ZBP1: variants seen among roughly 807,000 people sequenced by gnomAD.
ZBP1 encodes the protein Z-DNA-binding protein 1.
A neutral mutation model predicts 41.1 loss-of-function variants in ZBP1; 42 were observed. The ratio of observed to expected loss-of-function variants is 1.02; its 90% CI spans 0.80 to 1.32. The LOEUF (loss-of-function observed/expected upper bound fraction) is 1.32. Among genes scored for constraint, ZBP1 ranks in the 40% most tolerant of loss-of-function variants. ZBP1 has a pLI of 0.00. For synonymous variants in ZBP1, 214 were observed against 205.2 expected, an observed-to-expected ratio of 1.04 and a Z score of -0.37; for missense variants, 562 against 549.7, an observed-to-expected ratio of 1.02 and a Z score of -0.22.
chr20:57,618,552 C>G (rs545004884), intron 1 of ZBP1, among the ~76,000 whole-genome samples: 4 of 152,204 alleles, frequency 2.6e-5, no homozygotes, highest in Admixed American at 2.0e-4. Context: ...CCTGACTTCA[C>G]ACCTGGCTTC....
chr20:57,610,064 T>G lies in ZBP1; in HGVS notation c.1093+85A>C. ...CTCCGGGAAACCAGAGATTAGCGAATGATCGATGAGAGTGAATGAATGAAT... is the reference window on the plus strand; with the variant it reads ...CTCCGGGAAACCAGAGATTAGCGAAGGATCGATGAGAGTGAATGAATGAAT... On this transcript the variant is annotated intron_variant, in intron 7 of 7. Coordinates refer to ENST00000371173, the MANE Select transcript of ZBP1 (RefSeq NM_030776.3). This position sits in a 1 kb window ranked among gnomAD's most constrained non-coding sequence, Gnocchi z 5.5. The G allele has an allele frequency of 2.1e-6, 3 of 1,407,606 alleles. No homozygotes were observed. The highest frequency in any genetic ancestry group is 3.0e-6 in the Non-Finnish European group (3 of 1,008,888). The allele number at this position is 1,407,606 out of a possible 1,614,324, so 87.2% of individuals were successfully genotyped here. A position where few individuals can be genotyped will look rare whatever the true frequency, so the allele number is the denominator to read the frequency against.
chr20:57,611,169 C>A (rs2070657332), intron 6 of ZBP1, among the ~76,000 whole-genome samples: 2 of 152,332 alleles, frequency 1.3e-5, no homozygotes, highest in South Asian at 4.1e-4. Flanking sequence ...TGCTTCTCTG[C>A]TCATTTTACA....
At chr20:57,615,887 G>T (rs2070810425) in intron 2 of ZBP1, 1 of 529,734 alleles carries the variant, frequency 1.9e-6, no homozygotes, top group Admixed American at 3.7e-5. Context: ...CTGGCTGTGG[G>T]CTGTAAAGCT....
chr20:57,610,952 C>G lies in ZBP1; in HGVS notation c.875-585G>C, dbSNP rs760494310. ...GGCCCCTCTCTGGAGACTCCTTTCC[C>G]GGGGCCTCTGCTTTCCTCCTCCCTC... On this transcript the variant is annotated intron_variant, in intron 6 of 7. Coordinates refer to ENST00000371173, the MANE Select transcript of ZBP1 (RefSeq NM_030776.3). The surrounding 1 kb of genome is among the most constrained non-coding windows in gnomAD (Gnocchi z 5.5). Among the ~76,000 whole-genome samples, 1 of 152,152 alleles carries G rather than the reference C, an allele frequency of 6.6e-6. No homozygotes were observed. Among genetic ancestry groups the G allele is most frequent in the Non-Finnish European group, 1.5e-5 (1 of 68,016 alleles).
intron 1 of ZBP1, among the ~76,000 whole-genome samples, chr20:57,619,211 C>T (rs2070931901): frequency 6.6e-6 from 1 of 152,212 alleles, no homozygotes; most frequent in African/African-American, 2.4e-5. Context: ...CTGGGCCACA[C>T]CCTGACATTA....
chr20:57,606,352 C>G (rs1433804992), intron 7 of ZBP1, among the ~76,000 whole-genome samples: 2 of 152,148 alleles, frequency 1.3e-5, no homozygotes, highest in Non-Finnish European at 2.9e-5. Flanking sequence ...TGGAAGTGAG[C>G]AGAGGTTGGT....
chr20:57,619,295 C>T (rs1368821833), intron 1 of ZBP1, among the ~76,000 whole-genome samples: 1 of 152,168 alleles, frequency 6.6e-6, no homozygotes, highest in Non-Finnish European at 1.5e-5. Context: ...AGCTCCTAGC[C>T]CTGCCAACTA....
intron 1 of ZBP1, among the ~76,000 whole-genome samples, chr20:57,618,286 G>A (rs1038327456): frequency 1.3e-5 from 2 of 152,212 alleles, no homozygotes; most frequent in African/African-American, 4.8e-5. Flanking sequence ...AAAGACCTGA[G>A]TTCCCCTTCC....
In ZBP1 at chr20:57,613,156, G is replaced by A. The variant is rs754296573; in HGVS notation, c.670+7C>T. On this transcript the variant is annotated splice_region_variant and intron_variant, in intron 5 of 7. Transcript: ENST00000371173. The surrounding 1 kb of genome is among the most constrained non-coding windows in gnomAD (Gnocchi z 4.5). ...GTCCCCTCCCTGGGCTCTCTTGGGT[G>A]ACTTACCGTCCTCCCTGGAGACTGT... 1.7e-5 allele frequency: 28 copies of A among 1,614,026 alleles called. No homozygotes were observed. The highest frequency in any genetic ancestry group is 8.3e-5 in the Admixed American group (5 of 59,996).
At chr20:57,616,847 G>A (rs1401314672) in intron 1 of ZBP1, 9 of 260,278 alleles carry the variant, frequency 3.5e-5, no homozygotes, top group Non-Finnish European at 1.5e-5. Flanking sequence ...ACCTGGGAGC[G>A]CAAAGGCAAG....
In ZBP1 at chr20:57,610,385, A is replaced by G. The variant is rs575392330; in HGVS notation, c.875-18T>C. On this transcript the variant is annotated intron_variant, in intron 6 of 7. Transcript: ENST00000371173. This position sits in a 1 kb window ranked among gnomAD's most constrained non-coding sequence, Gnocchi z 5.5. ...GGCAGAGACTGTGGGTCAAAGGGAG[A>G]GAGGCCTGGAGCCAGGAGCAGCTGG... is the stretch of plus-strand genomic sequence containing the variant. 94 of 1,613,106 alleles carry G rather than the reference A, an allele frequency of 5.8e-5. 4 individuals carry two copies. The South Asian group carries it at 1.0e-3, about 17-fold the overall frequency.
chr20:57,608,985 T>C (rs1328494411), intron 7 of ZBP1, among the ~76,000 whole-genome samples: 2 of 152,228 alleles, frequency 1.3e-5, no homozygotes, highest in Admixed American at 6.5e-5. Flanking sequence ...TTTTTTCACA[T>C]GGGAGGCAAA....
chr20:57,616,628 T>A, intron 1 of ZBP1, 160 bp from the exon 2 acceptor site: 1 of 678,842 alleles, frequency 1.5e-6, no homozygotes, highest in Non-Finnish European at 2.5e-6. Flanking sequence ...CTAAGAGCAG[T>A]AGGGCAGCTG....
rs765035183 is a variant in ZBP1, at chr20:57,611,781, G to A, written c.820C>T (p.Leu274Phe). The change falls in exon 6 of 8, where the codon CTC (leucine) becomes TTC (phenylalanine). Residue 274 changes from leucine to phenylalanine, a missense_variant. Coordinates refer to ENST00000371173, the MANE Select transcript of ZBP1 (RefSeq NM_030776.3). ...VQLGHSNEMR[L>F]HGVPSEGPAH... ...GGGCCCTCGGACGGGACGCCGTGGA[G>A]CCTCATCTCATTGCTGTGTCCCAGC... The A allele has an allele frequency of 1.9e-6, 3 of 1,612,840 alleles. No homozygotes were observed. The highest frequency in any genetic ancestry group is 1.3e-5 in the African/African-American group (1 of 75,028).
chr20:57,615,894 A>C, intron 2 of ZBP1: 1 of 528,662 alleles, frequency 1.9e-6, no homozygotes, highest in East Asian at 3.3e-5. Context: ...TGGGCTGTAA[A>C]GCTAGAAAAG....
chr20:57,613,397 C>A lies in ZBP1; in HGVS notation c.503-67G>T. Reference sequence around the variant, plus strand: ...TGGGTCAGGGGTTCCCAATACCAGTCGGCAGCACCAAATTCTCCTGGGGAG... The same window carrying A: ...TGGGTCAGGGGTTCCCAATACCAGTAGGCAGCACCAAATTCTCCTGGGGAG... On this transcript the variant is annotated intron_variant, in intron 4 of 7. Coordinates refer to ENST00000371173, the MANE Select transcript of ZBP1 (RefSeq NM_030776.3). This position sits in a 1 kb window ranked among gnomAD's most constrained non-coding sequence, Gnocchi z 4.5. 1 of 1,529,514 alleles carries A rather than the reference C, an allele frequency of 6.5e-7. No homozygotes were observed. The highest frequency in any genetic ancestry group is 2.3e-5 in the East Asian group (1 of 44,346). 94.7% of individuals were successfully genotyped at this position (1,529,514 alleles called of 1,614,324 possible).
At chr20:57,615,797 T>G (rs1272043482) in intron 2 of ZBP1, 3 of 546,812 alleles carry the variant, frequency 5.5e-6, no homozygotes, top group African/African-American at 2.0e-5. Context: ...CTCCTTTGCC[T>G]CCTGGGGTTG....
In ZBP1 at chr20:57,603,974, T is replaced by C. The variant is rs1330844810; in HGVS notation, c.*599A>G. ...GCTCCACCTCCCGGGTTCACACCAT[T>C]CTCCTCCCTCAGCCTCCGGAGTAGC... On this transcript the variant is annotated 3_prime_UTR_variant, in exon 8 of 8. Coordinates refer to ENST00000371173, the MANE Select transcript of ZBP1 (RefSeq NM_030776.3). This position sits in a 1 kb window ranked among gnomAD's most constrained non-coding sequence, Gnocchi z 4.6. 2 of 181,260 alleles carry C rather than the reference T, an allele frequency of 1.1e-5. No homozygotes were observed. Among genetic ancestry groups the C allele is most frequent in the Non-Finnish European group, 2.3e-5 (2 of 86,456 alleles). 11.2% of individuals were successfully genotyped at this position (181,260 alleles called of 1,614,324 possible). A position where few individuals can be genotyped will look rare whatever the true frequency, so the allele number is the denominator to read the frequency against.
chr20:57,615,250 G>A lies in ZBP1; in HGVS notation c.329-190C>T. 3 of 715,138 alleles carry A rather than the reference G, an allele frequency of 4.2e-6. No individual in the cohort carries two copies. The South Asian group carries it at 5.5e-5, about 13-fold the overall frequency. 44.3% of individuals were successfully genotyped at this position (715,138 alleles called of 1,614,324 possible). A position where few individuals can be genotyped will look rare whatever the true frequency, so the allele number is the denominator to read the frequency against. The stretch of plus-strand genomic sequence containing the variant: ...GCCCTGAGGGTGGGGGATGTGCACA[G>A]AGTGCTCTGCGCTGGGCCTGGCATG... On this transcript the variant is annotated intron_variant, in intron 3 of 7. Coordinates refer to ENST00000371173, the MANE Select transcript of ZBP1 (RefSeq NM_030776.3).
Sources: allele counts gnomAD v4.1 joint callset (sites outside exome capture counted in the v4.1 genomes callset), GRCh38; gene constraint gnomAD v4.1.1; non-coding constraint Gnocchi (gnomAD v3.1); transcripts MANE v1.5; gene names NCBI Gene and HGNC (gene_info 2026-07-23, HGNC 2026-07-21).